CCDC181: variants seen among roughly 807,000 people sequenced by gnomAD.
The protein encoded by CCDC181 is coiled-coil domain-containing protein 181.
A neutral mutation model predicts 58.7 loss-of-function variants in CCDC181; 35 were observed. The observed-to-expected ratio is 0.60, with a 90% confidence interval of 0.46 to 0.79. The LOEUF is 0.79. Among genes scored for constraint, CCDC181 ranks in the 30% least tolerant of loss-of-function variants. The pLI is 0.00. For missense variants in CCDC181, 517 were observed against 583.9 expected, an observed-to-expected ratio of 0.89 and a Z score of 1.18; for synonymous variants, 183 against 197.5, an observed-to-expected ratio of 0.93 and a Z score of 0.62.
intron 1 of CCDC181, among the ~76,000 whole-genome samples, chr1:169,425,277 C>G (rs995585049): frequency 5.9e-5 from 9 of 152,052 alleles, no homozygotes; most frequent in African/African-American, 2.2e-4. Context: ...CTGTTTTAGC[C>G]ATTAGCTTCG....
chr1:169,401,256 T>C (rs1655330598), intron 4 of CCDC181, among the ~76,000 whole-genome samples: 1 of 152,200 alleles, frequency 6.6e-6, no homozygotes, highest in South Asian at 2.1e-4. Flanking sequence ...AGCAGAAACT[T>C]CTGCAGACTT....
rs751620592 is a variant in CCDC181, at chr1:169,421,901, T to G, written c.530A>C (p.Glu177Ala). ...EDTTTFKNYF[E>A]NERNMFGKLS... ...TTTCCCAAACATATTCCTTTCGTTT[T>G]CAAAATAATTTTTAAAAGTAGTAGT... is the stretch of plus-strand genomic sequence containing the variant. Residue 177 changes from glutamate to alanine, a missense_variant, in exon 3 of 6, where the codon GAA (glutamate) becomes GCA (alanine). Coordinates refer to ENST00000367806, the MANE Select transcript of CCDC181 (RefSeq NM_001300969.2). 1.4e-5 allele frequency: 22 copies of G among 1,613,712 alleles called. 1 individual carries two copies. Among genetic ancestry groups the G allele is most frequent in the Middle Eastern group, 1.6e-4 (1 of 6,080 alleles).
chr1:169,420,385 A>T (rs970714439), intron 3 of CCDC181, among the ~76,000 whole-genome samples: 1 of 145,952 alleles, frequency 6.9e-6, no homozygotes, highest in Non-Finnish European at 1.5e-5. Context: ...GTTCTTACGA[A>T]GTCATGTTTC....
intron 4 of CCDC181, among the ~76,000 whole-genome samples, chr1:169,404,563 A>C (rs1028528342): frequency 6.6e-6 from 1 of 152,236 alleles, no homozygotes; most frequent in Admixed American, 6.5e-5. Context: ...CAAAAACCAC[A>C]TGATTATCTC....
intron 3 of CCDC181, among the ~76,000 whole-genome samples, chr1:169,420,956 A>C (rs932463066): frequency 1.1e-4 from 17 of 152,234 alleles, no homozygotes; most frequent in African/African-American, 3.9e-4. Context: ...TGCAAATAAA[A>C]GAATTATAGT....
At chr1:169,457,469 T>C (rs776823753) in intron 2 of CCDC181, among the ~76,000 whole-genome samples, 4 of 152,110 alleles carry the variant, frequency 2.6e-5, no homozygotes, top group Non-Finnish European at 4.4e-5. Context: ...ATTAACAGGT[T>C]CTTGGAAACT....
At chr1:169,443,755 T>C (rs994158676) in intron 2 of CCDC181, among the ~76,000 whole-genome samples, 1 of 152,178 alleles carries the variant, frequency 6.6e-6, no homozygotes, top group African/African-American at 2.4e-5. Flanking sequence ...ATAAATAGTA[T>C]TGATGATTAG....
chr1:169,432,111 A>G (rs1348132786), upstream of CCDC181, among the ~76,000 whole-genome samples: 1 of 152,170 alleles, frequency 6.6e-6, no homozygotes, highest in Non-Finnish European at 1.5e-5. Flanking sequence ...GAAAGTGAAG[A>G]AAATAATATA....
upstream of CCDC181, among the ~76,000 whole-genome samples, chr1:169,429,944 G>T (rs1478862470): frequency 2.0e-5 from 3 of 152,104 alleles, no homozygotes; most frequent in African/African-American, 7.2e-5. Context: ...TCAGGTCTTA[G>T]ATTTAAGTAT....
At chr1:169,407,838 C>G (rs2102060768) in intron 4 of CCDC181, among the ~76,000 whole-genome samples, 1 of 152,290 alleles carries the variant, frequency 6.6e-6, no homozygotes, top group African/African-American at 2.4e-5. Context: ...TCAGGGAACT[C>G]CCTCCCCTAG....
upstream of CCDC181, among the ~76,000 whole-genome samples, chr1:169,429,819 T>C (rs140002574): frequency 6.6e-6 from 1 of 152,184 alleles, no homozygotes; most frequent in Admixed American, 6.5e-5. Context: ...TTAAGTCCCA[T>C]CTACTTACCT....
intron 4 of CCDC181, among the ~76,000 whole-genome samples, chr1:169,407,878 G>A (rs147565229): frequency 1.6e-3 from 247 of 152,298 alleles, no homozygotes; most frequent in African/African-American, 5.3e-3. Flanking sequence ...ACTGTGCTAC[G>A]AGGAACTGTG....
rs138227471 is a variant in CCDC181, at chr1:169,421,345, G to T, written c.1068+18C>A. On this transcript the variant is annotated intron_variant, in intron 3 of 5. Coordinates refer to ENST00000367806, the MANE Select transcript of CCDC181 (RefSeq NM_001300969.2). ...AAACATACTCTACTTTTAATATAAT[G>T]CCCACTTAGGTTCTCACCTCTCTTT... 21 of 1,536,826 alleles carry T rather than the reference G, an allele frequency of 1.4e-5. No individual in the cohort carries two copies. In the East Asian group the frequency reaches 4.7e-4, roughly 35 times the overall value.
At chr1:169,441,868 C>T (rs1657237969) in intron 2 of CCDC181, among the ~76,000 whole-genome samples, 1 of 151,984 alleles carries the variant, frequency 6.6e-6, no homozygotes, top group Non-Finnish European at 1.5e-5. Context: ...CTTCCCTCTC[C>T]ACTGTTTAAT....
chr1:169,402,413 T>C (rs1449661822), intron 4 of CCDC181, among the ~76,000 whole-genome samples: 9 of 152,116 alleles, frequency 5.9e-5, no homozygotes, highest in Admixed American at 5.2e-4. Context: ...AGAGAAAGGT[T>C]GGGTTACCCA....
At chr1:169,428,082 A>AT, upstream of CCDC181, among the ~76,000 whole-genome samples, 1 of 152,320 alleles carries the variant, frequency 6.6e-6, no homozygotes, top group Non-Finnish European at 1.5e-5. Flanking sequence ...GTGTGTTCGG[A>AT]TTATTTTTAA....
In CCDC181 at chr1:169,397,246, GC is replaced by G. The variant is rs1408162581; in HGVS notation, c.1360del (p.Ala454ProfsTer6). ...CCTGCCTTTAACTTACTGTTTAAAG[GC>G]CCTTTCCCGGCCTTCTGTTCCTTTA... The part of the protein sequence containing the change: ...FLKGTEGRER[A>X]FKQWLRRKRM... On this transcript the variant is annotated frameshift_variant, in exon 5 of 6. Transcript: ENST00000367806. LOFTEE classifies it high-confidence loss of function. 2 of 1,599,456 alleles carry G rather than the reference GC, an allele frequency of 1.3e-6. No homozygotes were observed. Among genetic ancestry groups the G allele is most frequent in the South Asian group, 2.3e-5 (2 of 88,206 alleles).
At chr1:169,412,351 A>T (rs1048556103) in intron 4 of CCDC181, among the ~76,000 whole-genome samples, 3 of 152,180 alleles carry the variant, frequency 2.0e-5, no homozygotes, top group Non-Finnish European at 4.4e-5. Flanking sequence ...AGACCTACAA[A>T]CCACCACTCA....
chr1:169,437,431 C>G (rs530627407), intron 2 of CCDC181, among the ~76,000 whole-genome samples: 2 of 152,292 alleles, frequency 1.3e-5, no homozygotes, highest in African/African-American at 4.8e-5. Flanking sequence ...AAACTATAAA[C>G]TAAGTTCCTC....
Sources: allele counts gnomAD v4.1 joint callset (sites outside exome capture counted in the v4.1 genomes callset), GRCh38; gene constraint gnomAD v4.1.1; transcripts MANE v1.5; gene names NCBI Gene and HGNC (gene_info 2026-07-23, HGNC 2026-07-21).